KHDRBS2: variants seen among roughly 807,000 people sequenced by gnomAD.
The protein encoded by KHDRBS2 is KH RNA binding domain containing, signal transduction associated 2.
In KHDRBS2, 26 loss-of-function variants were observed where a neutral mutation model predicts 44.3. The ratio of observed to expected loss-of-function variants is 0.59; its 90% confidence interval spans 0.43 to 0.81. The LOEUF is 0.81. Ranked by LOEUF, KHDRBS2 falls within the 40% of genes least tolerant of loss-of-function variation. The probability of loss-of-function intolerance (pLI) is 0.00; values close to 1 mark genes in which losing one functional copy is unlikely to be tolerated. For missense variants in KHDRBS2, 476 were observed against 433.1 expected, an observed-to-expected ratio of 1.10 and a Z score of -0.88; for synonymous variants, 194 against 151.1, an observed-to-expected ratio of 1.28 and a Z score of -2.08.
At chr6:61,696,368 G>T (rs1385679610) in intron 8 of KHDRBS2, among the ~76,000 whole-genome samples, 1 of 151,886 alleles carries the variant, frequency 6.6e-6, no homozygotes, top group African/African-American at 2.4e-5. Flanking sequence ...CTATTCTCTT[G>T]CCTCAGCCTC....
At chr6:62,110,297 C>T (rs1287859715) in intron 2 of KHDRBS2, among the ~76,000 whole-genome samples, 4 of 152,054 alleles carry the variant, frequency 2.6e-5, no homozygotes, top group Admixed American at 2.6e-4. Context: ...ATATATCTGT[C>T]ATATGATTCA....
intron 1 of KHDRBS2, among the ~76,000 whole-genome samples, chr6:62,196,283 TA>T (rs1825683577): frequency 6.6e-6 from 1 of 152,202 alleles, no homozygotes; most frequent in African/African-American, 2.4e-5. Flanking sequence ...ATAAATTCTA[TA>T]CTTCTACTAT....
At chr6:61,953,388 G>T (rs1355602492) in intron 4 of KHDRBS2, among the ~76,000 whole-genome samples, 1 of 151,988 alleles carries the variant, frequency 6.6e-6, no homozygotes, top group Non-Finnish European at 1.5e-5. Flanking sequence ...GATTGGAATG[G>T]CCAGCATTTT....
intron 1 of KHDRBS2, among the ~76,000 whole-genome samples, chr6:62,254,537 G>A (rs1326592506): frequency 6.6e-6 from 1 of 152,044 alleles, no homozygotes; most frequent in Non-Finnish European, 1.5e-5. Flanking sequence ...GTCATGCAAA[G>A]ATCTGGGACT....
At chr6:61,769,982 A>G (rs1171046422) in intron 6 of KHDRBS2, among the ~76,000 whole-genome samples, 1 of 152,138 alleles carries the variant, frequency 6.6e-6, no homozygotes, top group Non-Finnish European at 1.5e-5. Flanking sequence ...CTCCTCTGAG[A>G]CAAAACTTCC....
At chr6:61,787,482 G>A (rs1222295890) in intron 6 of KHDRBS2, among the ~76,000 whole-genome samples, 1 of 151,616 alleles carries the variant, frequency 6.6e-6, no homozygotes, top group East Asian at 1.9e-4. Context: ...TAAAAACCGT[G>A]GAGTAATTTT....
chr6:61,598,852 T>TTTTTTTTTG, the KHDRBS2 span, among the ~76,000 whole-genome samples: 1 of 140,156 alleles, frequency 7.1e-6, no homozygotes, highest in African/African-American at 2.6e-5. Context: ...TTTTTTTTTT[T>TTTTTTTTTG]TTTTTTGCAC....
At chr6:61,954,678 A>T (rs141791952) in intron 4 of KHDRBS2, among the ~76,000 whole-genome samples, 1 of 82,326 alleles carries the variant, frequency 1.2e-5, no homozygotes, top group African/African-American at 4.7e-5. Context: ...ATATACACAT[A>T]CATACTTATG....
At chr6:61,866,917 T>C (rs551965171) in intron 6 of KHDRBS2, among the ~76,000 whole-genome samples, 1 of 152,324 alleles carries the variant, frequency 6.6e-6, no homozygotes, top group African/African-American at 2.4e-5. Flanking sequence ...TTATTGTCGA[T>C]ATCGCTATCA....
At chr6:62,282,455 C>A (rs1237256735) in intron 1 of KHDRBS2, among the ~76,000 whole-genome samples, 1 of 152,070 alleles carries the variant, frequency 6.6e-6, no homozygotes, top group East Asian at 1.9e-4. Flanking sequence ...AGAAAATCTT[C>A]CCCAAACCTC....
intron 2 of KHDRBS2, among the ~76,000 whole-genome samples, chr6:62,084,044 T>C (rs1438670780): frequency 6.6e-6 from 1 of 152,188 alleles, no homozygotes; most frequent in South Asian, 2.1e-4. Context: ...AGATATTTTG[T>C]TATTCCTTTC....
chr6:61,721,032 G>A (rs1452119557), intron 7 of KHDRBS2, among the ~76,000 whole-genome samples: 2 of 151,370 alleles, frequency 1.3e-5, no homozygotes, highest in African/African-American at 4.9e-5. Flanking sequence ...TTATTAAATA[G>A]GGAATCCTTT....
At chr6:61,919,741 A>T (rs551291990) in intron 4 of KHDRBS2, among the ~76,000 whole-genome samples, 2 of 151,824 alleles carry the variant, frequency 1.3e-5, no homozygotes, top group Non-Finnish European at 2.9e-5. Flanking sequence ...ACAAAAAAAA[A>T]CCCCACCAAA....
chr6:61,954,427 G>GTATGCATGCATACATATATACGTATA (rs1562509845), intron 4 of KHDRBS2, among the ~76,000 whole-genome samples: 15 of 136,988 alleles, frequency 1.1e-4, no homozygotes, highest in Non-Finnish European at 9.7e-5. Context: ...ATATACGTAT[G>GTATGCATGCATACATATATACGTATA]TATGCATGCA....
chr6:62,064,008 C>A (rs1176543748), intron 2 of KHDRBS2, among the ~76,000 whole-genome samples: 3 of 148,330 alleles, frequency 2.0e-5, no homozygotes, highest in African/African-American at 7.5e-5. Flanking sequence ...AGACCCAAAT[C>A]ATGAGTGAAC....
the KHDRBS2 span, among the ~76,000 whole-genome samples, chr6:61,607,512 G>A: frequency 1.3e-4 from 2 of 15,960 alleles, no homozygotes; most frequent in Admixed American, 9.6e-4. Flanking sequence ...ATACATATGA[G>A]TTCCAAGCAA....
chr6:62,083,731 A>C (rs1797869150), intron 2 of KHDRBS2, among the ~76,000 whole-genome samples: 1 of 152,134 alleles, frequency 6.6e-6, no homozygotes, highest in Non-Finnish European at 1.5e-5. Flanking sequence ...CTCCTTTGCA[A>C]GTCCTGCAAA....
At chr6:61,599,607 A>G in the KHDRBS2 span, among the ~76,000 whole-genome samples, 1 of 152,330 alleles carries the variant, frequency 6.6e-6, no homozygotes, top group East Asian at 1.9e-4. Context: ...TGGCAGTCAT[A>G]GAACCATTAA....
intron 1 of KHDRBS2, among the ~76,000 whole-genome samples, chr6:62,249,890 T>G (rs1405564348): frequency 1.3e-5 from 2 of 152,070 alleles, no homozygotes; most frequent in African/African-American, 2.4e-5. Flanking sequence ...TTTATATAAT[T>G]AAAGTTCACA....
Sources: allele counts gnomAD v4.1 joint callset (sites outside exome capture counted in the v4.1 genomes callset), GRCh38; gene constraint gnomAD v4.1.1; transcripts MANE v1.5; gene names NCBI Gene and HGNC (gene_info 2026-07-23, HGNC 2026-07-21).